The following LOC400499 variants were observed in gnomAD, a reference collection of about 807,000 sequenced individuals.
At chr16:11,393,225 C>T in the LOC400499 span, among the ~76,000 whole-genome samples, 1 of 149,696 alleles carries the variant, frequency 6.7e-6, no homozygotes, top group African/African-American at 2.5e-5. Context: ...AACTCCTGAG[C>T]TCAAGCAATT....
chr16:11,447,264 C>A, the LOC400499 span, among the ~76,000 whole-genome samples: 1 of 152,168 alleles, frequency 6.6e-6, no homozygotes, highest in Non-Finnish European at 1.5e-5. Flanking sequence ...AAGGACTTGA[C>A]TGTTCTGTGC....
At chr16:11,402,163 G>A in the LOC400499 span, 7 of 399,010 alleles carry the variant, frequency 1.8e-5, no homozygotes, top group Non-Finnish European at 3.1e-5. Flanking sequence ...GCTCCACTGG[G>A]TGGGTGAGGA....
the LOC400499 span, among the ~76,000 whole-genome samples, chr16:11,415,168 C>T: frequency 1.3e-5 from 2 of 152,184 alleles, no homozygotes; most frequent in Non-Finnish European, 2.9e-5. Context: ...TGGAGGGTCC[C>T]GTCCTTCCCA....
the LOC400499 span, chr16:11,440,730 T>C: frequency 1.3e-5 from 5 of 398,888 alleles, no homozygotes; most frequent in African/African-American, 1.0e-4. Flanking sequence ...TGACCTGGGA[T>C]GTGACGTTGT....
the LOC400499 span, among the ~76,000 whole-genome samples, chr16:11,503,714 G>C: frequency 3.3e-5 from 5 of 152,240 alleles, no homozygotes; most frequent in African/African-American, 4.8e-5. Context: ...CTGCCCACCA[G>C]AGTCCCGGCA....
At chr16:11,423,775 G>A in the LOC400499 span, among the ~76,000 whole-genome samples, 3 of 152,308 alleles carry the variant, frequency 2.0e-5, no homozygotes, top group East Asian at 5.8e-4. Flanking sequence ...GGGAGGAACT[G>A]AGAGACCAGG....
At chr16:11,395,277 G>A in the LOC400499 span, among the ~76,000 whole-genome samples, 49 of 152,204 alleles carry the variant, frequency 3.2e-4, no homozygotes, top group Non-Finnish European at 6.6e-4. Context: ...GGGTGAGCAA[G>A]AAACAAGGCT....
chr16:11,447,416 A>C, the LOC400499 span, among the ~76,000 whole-genome samples: 81,387 of 151,968 alleles, frequency 0.54, 21,996 homozygotes, highest in South Asian at 0.63. Flanking sequence ...GCCATTTTCC[A>C]TGTGCCCAGA....
the LOC400499 span, among the ~76,000 whole-genome samples, chr16:11,501,379 T>C: frequency 1.3e-5 from 2 of 152,046 alleles, no homozygotes; most frequent in African/African-American, 4.8e-5. Flanking sequence ...TTTTTGTGAG[T>C]TAGGGTCTCA....
the LOC400499 span, among the ~76,000 whole-genome samples, chr16:11,394,300 A>G: frequency 1.3e-5 from 2 of 152,184 alleles, no homozygotes; most frequent in Non-Finnish European, 2.9e-5. Context: ...TGGGGTGGGA[A>G]AGAGGCTCAG....
chr16:11,434,532 A>T, the LOC400499 span, among the ~76,000 whole-genome samples: 2 of 152,214 alleles, frequency 1.3e-5, no homozygotes, highest in African/African-American at 4.8e-5. Context: ...TAGGACACCC[A>T]GTTAGTGTCC....
chr16:11,404,121 T>TTCTGAGTGG, the LOC400499 span, among the ~76,000 whole-genome samples: 1 of 151,964 alleles, frequency 6.6e-6, no homozygotes, highest in African/African-American at 2.4e-5. Context: ...AGAAGTCACC[T>TTCTGAGTGG]CCTCCAAGAG....
At chr16:11,399,393 G>A in the LOC400499 span, 2 of 576,814 alleles carry the variant, frequency 3.5e-6, no homozygotes, top group African/African-American at 3.9e-5. Flanking sequence ...AGGACCACGT[G>A]GCCCCAGAGC....
chr16:11,384,985 G>A, the LOC400499 span: 14 of 1,232,126 alleles, frequency 1.1e-5, no homozygotes, highest in Admixed American at 8.4e-5. Flanking sequence ...TCCTGGAGAC[G>A]TCCTTCCTTG....
the LOC400499 span, chr16:11,516,015 A>T: frequency 2.5e-6 from 1 of 399,610 alleles, no homozygotes; most frequent in Non-Finnish European, 4.4e-6. Flanking sequence ...TTGTGTAGCC[A>T]GTCCCCATGG....
the LOC400499 span, chr16:11,460,653 C>T: frequency 1.3e-6 from 2 of 1,488,730 alleles, no homozygotes; most frequent in South Asian, 2.6e-5. Context: ...CTCTGCCAGG[C>T]AGCCCTCCAC....
the LOC400499 span, among the ~76,000 whole-genome samples, chr16:11,380,552 C>CTTAA: frequency 6.6e-6 from 1 of 152,132 alleles, no homozygotes; most frequent in Admixed American, 6.5e-5. Flanking sequence ...TAATAAGTGT[C>CTTAA]TTAATTTCCT....
the LOC400499 span, chr16:11,390,015 G>C: frequency 1.4e-5 from 12 of 836,116 alleles, no homozygotes; most frequent in Non-Finnish European, 1.8e-5. Context: ...GGTCACAGGA[G>C]TCAGTGTGTC....
the LOC400499 span, among the ~76,000 whole-genome samples, chr16:11,379,922 G>A: frequency 1.3e-5 from 2 of 152,114 alleles, no homozygotes; most frequent in Non-Finnish European, 2.9e-5. Context: ...CCCACTCTTT[G>A]ACAGCTCTGT....
Sources: allele counts gnomAD v4.1 joint callset (sites outside exome capture counted in the v4.1 genomes callset), GRCh38; gene constraint gnomAD v4.1.1; transcripts MANE v1.5.